Variants in NLGN1 observed in about 807,000 individuals in gnomAD.
The protein encoded by NLGN1 is neuroligin-1.
Under a neutral mutation model 65.5 loss-of-function variants are expected in NLGN1, and 12 were observed. That is an observed-to-expected ratio of 0.18 (90% CI 0.12 to 0.30). NLGN1 has a LOEUF of 0.30. Ranked by LOEUF, NLGN1 falls within the 10% of genes least tolerant of loss-of-function variation. The pLI is 1.00. For missense variants in NLGN1, 750 were observed against 1,007.1 expected, an observed-to-expected ratio of 0.74 and a Z score of 3.46; for synonymous variants, 350 against 359.5, an observed-to-expected ratio of 0.97 and a Z score of 0.30.
intron 4 of NLGN1, among the ~76,000 whole-genome samples, chr3:174,187,482 G>C (rs1731622446): frequency 6.6e-6 from 1 of 151,952 alleles, no homozygotes; most frequent in Non-Finnish European, 1.5e-5. Context: ...GCCAATGCCT[G>C]ATTATAAGCA....
chr3:174,006,041 C>G (rs938919901), intron 4 of NLGN1, among the ~76,000 whole-genome samples: 1 of 152,130 alleles, frequency 6.6e-6, no homozygotes, highest in Non-Finnish European at 1.5e-5. Flanking sequence ...CCCTCCAAAC[C>G]TAACAGGACT....
intron 3 of NLGN1, among the ~76,000 whole-genome samples, chr3:173,772,527 A>G (rs182836803): frequency 6.6e-6 from 1 of 152,236 alleles, no homozygotes; most frequent in African/African-American, 2.4e-5. Flanking sequence ...CTGAGGCAGG[A>G]GAATTACTTG....
chr3:174,285,280 A>G (rs1273754967), exon 7 of NLGN1: 1 of 151,488 alleles, frequency 6.6e-6, no homozygotes, highest in Non-Finnish European at 1.5e-5. Flanking sequence ...TATTGGTTCA[A>G]AGTACTGGCC....
intron 2 of NLGN1, among the ~76,000 whole-genome samples, chr3:173,587,081 G>A (rs1747583778): frequency 6.6e-6 from 1 of 152,128 alleles, no homozygotes; most frequent in Non-Finnish European, 1.5e-5. Context: ...TGAAAAAGAA[G>A]GTCCTTTTAA....
chr3:174,055,388 A>G (rs893376330), intron 4 of NLGN1, among the ~76,000 whole-genome samples: 22 of 152,062 alleles, frequency 1.4e-4, no homozygotes, highest in Admixed American at 1.3e-3. Flanking sequence ...ATAGGAAGGA[A>G]CAACATATTT....
intron 3 of NLGN1, among the ~76,000 whole-genome samples, chr3:173,769,618 T>C (rs2150254599): frequency 6.6e-6 from 1 of 152,332 alleles, no homozygotes; most frequent in South Asian, 2.1e-4. Context: ...CAAGAACCTT[T>C]TTATTTATGC....
rs1561465067 is a variant in NLGN1 at position 174,279,497 on chromosome 3, C to G, written c.1496C>G (p.Ala499Gly). The change falls in exon 6 of 7, where the codon GCT (alanine) becomes GGT (glycine). Residue 499 changes from alanine (A) to glycine (G), a missense_variant. Physicochemically the swap from Ala to Gly is moderately conservative, Grantham distance 60. Coordinates refer to ENST00000457714, the Ensembl canonical transcript of NLGN1. This position sits in a 1 kb window ranked among gnomAD's most constrained non-coding sequence, Gnocchi z 4.7. ...CATTGCCAAACAGATCAGGTTCCAGCTTGGGCTGATGCAGCCCACGGAGAC... is the reference window on the plus strand; with the variant it reads ...CATTGCCAAACAGATCAGGTTCCAGGTTGGGCTGATGCAGCCCACGGAGAC... The G allele has an allele frequency of 6.2e-7, 1 of 1,613,030 alleles. No homozygotes were observed. Among genetic ancestry groups the G allele is most frequent in the African/African-American group, 1.3e-5 (1 of 74,828 alleles).
At chr3:173,434,956 C>G (rs1265944804) in intron 1 of NLGN1, 1 of 152,624 alleles carries the variant, frequency 6.6e-6, no homozygotes, top group African/African-American at 2.4e-5. Context: ...TTGCTCAGTT[C>G]CGTGTCACTA....
At chr3:174,243,717 T>C (rs1432360449) in intron 4 of NLGN1, among the ~76,000 whole-genome samples, 1 of 152,202 alleles carries the variant, frequency 6.6e-6, no homozygotes, top group Non-Finnish European at 1.5e-5. Context: ...TACAGAGAGA[T>C]AAAACATTTT....
intron 2 of NLGN1, among the ~76,000 whole-genome samples, chr3:173,470,608 T>G (rs374530546): frequency 6.6e-6 from 1 of 152,054 alleles, no homozygotes; most frequent in African/African-American, 2.4e-5. Context: ...AAAATGAGAA[T>G]AATAATAATA....
At chr3:174,071,831 C>A (rs542772385) in intron 4 of NLGN1, among the ~76,000 whole-genome samples, 5 of 152,014 alleles carry the variant, frequency 3.3e-5, no homozygotes, top group African/African-American at 1.2e-4. Flanking sequence ...GTTTTCTGAC[C>A]GAAACCGTAT....
intron 2 of NLGN1, among the ~76,000 whole-genome samples, chr3:173,578,578 T>G (rs1157732828): frequency 3.3e-5 from 5 of 152,180 alleles, no homozygotes; most frequent in Non-Finnish European, 5.9e-5. Flanking sequence ...CTGCTAATAC[T>G]GGAAACATAG....
intron 4 of NLGN1, among the ~76,000 whole-genome samples, chr3:174,211,886 ACTCAGGAGCCCAG>A (rs1185736230): frequency 2.0e-5 from 3 of 152,192 alleles, no homozygotes; most frequent in Non-Finnish European, 4.4e-5. Context: ...TCCCCACCAG[ACTCAGGAGCCCAG>A]CTGGCTTCAC....
At chr3:173,854,744 C>G (rs1300064332) in intron 4 of NLGN1, among the ~76,000 whole-genome samples, 1 of 152,012 alleles carries the variant, frequency 6.6e-6, no homozygotes, top group Admixed American at 6.6e-5. Context: ...GACATCTGAA[C>G]TGAGCTCATA....
At chr3:173,412,024 A>G (rs896401621) in intron 1 of NLGN1, among the ~76,000 whole-genome samples, 11 of 152,162 alleles carry the variant, frequency 7.2e-5, no homozygotes, top group African/African-American at 2.7e-4. Flanking sequence ...AGTAGCAACC[A>G]CTTTCTCTCT....
intron 4 of NLGN1, among the ~76,000 whole-genome samples, chr3:174,050,145 A>G (rs1160847167): frequency 6.6e-6 from 1 of 152,156 alleles, no homozygotes; most frequent in Non-Finnish European, 1.5e-5. Context: ...TGATCAACAC[A>G]TACACAAATG....
chr3:174,154,401 A>G (rs1724950220), intron 4 of NLGN1, among the ~76,000 whole-genome samples: 1 of 152,088 alleles, frequency 6.6e-6, no homozygotes, highest in Admixed American at 6.6e-5. Context: ...CTGTTCTCAA[A>G]TAAATTGTTC....
chr3:173,674,520 A>G (rs915507360), intron 3 of NLGN1, among the ~76,000 whole-genome samples: 8 of 152,178 alleles, frequency 5.3e-5, no homozygotes, highest in South Asian at 2.1e-4. Context: ...TGAAAGCCCT[A>G]TAGGAAAAAA....
At chr3:173,944,901 A>G (rs534426858) in intron 4 of NLGN1, among the ~76,000 whole-genome samples, 1 of 152,290 alleles carries the variant, frequency 6.6e-6, no homozygotes, top group East Asian at 1.9e-4. Flanking sequence ...GAAGAGTTTT[A>G]ACCAAAAATT....
Sources: allele counts gnomAD v4.1 joint callset (sites outside exome capture counted in the v4.1 genomes callset), GRCh38; gene constraint gnomAD v4.1.1; non-coding constraint Gnocchi (gnomAD v3.1); transcripts MANE v1.5; gene names NCBI Gene and HGNC (gene_info 2026-07-23, HGNC 2026-07-21).